TAFA2: variants seen among roughly 807,000 people sequenced by gnomAD.
The protein encoded by TAFA2 is TAFA chemokine like family member 2, also known as chemokine-like protein TAFA-2.
In TAFA2, 7 loss-of-function variants were observed where a neutral mutation model predicts 18.8. The ratio of observed to expected loss-of-function variants is 0.37; its 90% CI spans 0.21 to 0.70. The LOEUF (loss-of-function observed/expected upper bound fraction) is 0.70. TAFA2 is among the 30% of genes least tolerant of loss of function. The pLI is 0.53. For synonymous variants in TAFA2, 60 were observed against 54.2 expected (o/e 1.11, Z -0.47); for missense variants, 122 against 158.1 (o/e 0.77, Z 1.23).
intron 1 of TAFA2, among the ~76,000 whole-genome samples, chr12:61,877,873 T>C (rs1029039473): frequency 3.3e-5 from 5 of 151,070 alleles, no homozygotes; most frequent in Non-Finnish European, 7.4e-5. Flanking sequence ...AATTAGGTAA[T>C]AGGGTGAATG....
At chr12:62,133,783 T>C (rs1315822304) in intron 1 of TAFA2, among the ~76,000 whole-genome samples, 1 of 152,234 alleles carries the variant, frequency 6.6e-6, no homozygotes, top group East Asian at 1.9e-4. Flanking sequence ...TATTAGTTAG[T>C]TGAATGAATG....
At chr12:61,873,603 T>G (rs1430824522) in intron 1 of TAFA2, among the ~76,000 whole-genome samples, 5 of 152,182 alleles carry the variant, frequency 3.3e-5, no homozygotes, top group African/African-American at 1.2e-4. Context: ...TTATTGTTAT[T>G]ATTCCTTTAG....
intron 1 of TAFA2, among the ~76,000 whole-genome samples, chr12:62,059,108 A>T (rs183012476): frequency 0.021 from 1,894 of 92,104 alleles, 42 homozygotes; most frequent in African/African-American, 0.064. Flanking sequence ...GTCTCAAAAA[A>T]AATAATAATA....
intron 1 of TAFA2, among the ~76,000 whole-genome samples, chr12:62,188,335 C>T (rs2062599593): frequency 6.6e-6 from 1 of 152,178 alleles, no homozygotes; most frequent in Non-Finnish European, 1.5e-5. Flanking sequence ...CTTAATGAGG[C>T]ATCCCTAATA....
chr12:62,125,172 C>T (rs1371063756), intron 1 of TAFA2, among the ~76,000 whole-genome samples: 2 of 152,042 alleles, frequency 1.3e-5, no homozygotes, highest in Non-Finnish European at 2.9e-5. Context: ...AATTGTATAC[C>T]TTTTATTTTT....
chr12:61,744,104 C>G lies in TAFA2; in HGVS notation c.384+9518G>C, dbSNP rs1443500524. Among the ~76,000 whole-genome samples the G allele has an allele frequency of 2.0e-5, 3 of 152,094 alleles. No individual in the cohort carries two copies. The East Asian group carries it at 5.8e-4, about 29-fold the overall frequency. On this transcript the variant is annotated intron_variant, in intron 4 of 4. Coordinates refer to ENST00000416284, the MANE Select transcript of TAFA2 (RefSeq NM_178539.5). ...TTAAACATTAGATATAAAGCCCTGA[C>G]AGAATTTTATCTATCAGCCCTCAGG...
chr12:62,214,093 G>T (rs1306582443), intron 1 of TAFA2, among the ~76,000 whole-genome samples: 1 of 152,166 alleles, frequency 6.6e-6, no homozygotes, highest in Non-Finnish European at 1.5e-5. Context: ...GATGCACCAG[G>T]TTAAGAAGGG....
At chr12:62,057,998 A>G (rs1056057180) in intron 1 of TAFA2, among the ~76,000 whole-genome samples, 4 of 152,202 alleles carry the variant, frequency 2.6e-5, no homozygotes, top group African/African-American at 9.6e-5. Flanking sequence ...CTTTGTCTGA[A>G]AATACTTTCA....
intron 1 of TAFA2, among the ~76,000 whole-genome samples, chr12:61,956,233 C>A (rs1878691084): frequency 6.6e-6 from 1 of 151,928 alleles, no homozygotes; most frequent in Non-Finnish European, 1.5e-5. Flanking sequence ...CCTTTATTGG[C>A]TTTATACATG....
chr12:61,883,183 T>G (rs187195625), intron 1 of TAFA2, among the ~76,000 whole-genome samples: 1 of 152,324 alleles, frequency 6.6e-6, no homozygotes, highest in East Asian at 1.9e-4. Flanking sequence ...CAAAAAAAAT[T>G]CATCTTTCAG....
chr12:62,078,725 T>TCGAG (rs964272570), intron 1 of TAFA2, among the ~76,000 whole-genome samples: 3 of 152,146 alleles, frequency 2.0e-5, no homozygotes, highest in Admixed American at 6.5e-5. Flanking sequence ...TCCCTTATGC[T>TCGAG]CCTCCCTTGT....
At chr12:62,229,779 T>C (rs1362961301) in intron 1 of TAFA2, among the ~76,000 whole-genome samples, 1 of 152,156 alleles carries the variant, frequency 6.6e-6, no homozygotes, top group Non-Finnish European at 1.5e-5. Flanking sequence ...ATAGTTTAGG[T>C]AAAATTGTAT....
intron 1 of TAFA2, among the ~76,000 whole-genome samples, chr12:62,220,827 G>T (rs1164195177): frequency 6.6e-6 from 1 of 151,984 alleles, no homozygotes; most frequent in African/African-American, 2.4e-5. Flanking sequence ...AGGGAAGGGG[G>T]CCGGGCGCGG....
intron 2 of TAFA2, among the ~76,000 whole-genome samples, chr12:61,773,654 A>G (rs2120853513): frequency 6.6e-6 from 1 of 151,960 alleles, no homozygotes; most frequent in South Asian, 2.1e-4. Flanking sequence ...GGCAAGCCAC[A>G]TGTAGAATGA....
At chr12:61,881,043 T>C (rs964293720) in intron 1 of TAFA2, among the ~76,000 whole-genome samples, 1 of 152,156 alleles carries the variant, frequency 6.6e-6, no homozygotes, top group Admixed American at 6.5e-5. Flanking sequence ...ATGAAAACAA[T>C]TCTAATGTCA....
Position 61,885,264 on chromosome 12 carries a change from T to C in TAFA2, c.-1-17838A>G, listed in dbSNP as rs560045706. ...CTAGCATATCATCCTACAGCAATAC[T>C]AGTGGGCATGCTATGCGTCAGATAA... is the stretch of plus-strand genomic sequence containing the variant. On this transcript the variant is annotated intron_variant, in intron 1 of 4. Coordinates refer to ENST00000416284, the MANE Select transcript of TAFA2 (RefSeq NM_178539.5). Among the ~76,000 whole-genome samples, 12 of 152,274 alleles carry C rather than the reference T, an allele frequency of 7.9e-5. No individual in the cohort carries two copies. In the East Asian group the frequency reaches 2.1e-3, roughly 27 times the overall value.
chr12:62,037,367 C>T (rs763751228), intron 1 of TAFA2, among the ~76,000 whole-genome samples: 9 of 152,198 alleles, frequency 5.9e-5, no homozygotes, highest in Non-Finnish European at 2.9e-5. Flanking sequence ...CCTTCTGATC[C>T]ATGAACAGGA....
intron 1 of TAFA2, among the ~76,000 whole-genome samples, chr12:62,095,491 C>T (rs747849607): frequency 1.3e-5 from 2 of 152,112 alleles, no homozygotes; most frequent in Non-Finnish European, 2.9e-5. Flanking sequence ...CAATGAATAA[C>T]ATTAAGAAAT....
At chr12:61,937,939 TCAAA>T (rs1877839585) in intron 1 of TAFA2, among the ~76,000 whole-genome samples, 1 of 151,672 alleles carries the variant, frequency 6.6e-6, no homozygotes, top group Non-Finnish European at 1.5e-5. Context: ...TACAAGGAAC[TCAAA>T]CAAATCAGCA....
Sources: allele counts gnomAD v4.1 joint callset (sites outside exome capture counted in the v4.1 genomes callset), GRCh38; gene constraint gnomAD v4.1.1; transcripts MANE v1.5; gene names NCBI Gene and HGNC (gene_info 2026-07-23, HGNC 2026-07-21).